The following ACADM variants were observed in gnomAD, a reference collection of about 807,000 sequenced individuals.
ACADM encodes the protein acyl-CoA dehydrogenase medium chain, also known as medium-chain specific acyl-CoA dehydrogenase, mitochondrial.
ACADM carries 49 observed loss-of-function variants against 58.9 expected under a neutral mutation model. The ratio of observed to expected loss-of-function variants is 0.83; its 90% CI spans 0.66 to 1.06. ACADM has a LOEUF of 1.06. Among genes scored for constraint, ACADM ranks in the 50% least tolerant of loss-of-function variants. ACADM has a pLI of 0.00. For synonymous variants in ACADM, 160 were observed against 157.7 expected, an observed-to-expected ratio of 1.01 and a Z score of -0.11; for missense variants, 496 against 507.0, an observed-to-expected ratio of 0.98 and a Z score of 0.21.
At chr1:75,737,303 T>C (rs1647317139) in intron 6 of ACADM, among the ~76,000 whole-genome samples, 3 of 101,168 alleles carry the variant, frequency 3.0e-5, no homozygotes, top group Admixed American at 1.0e-4. Context: ...TATATATATA[T>C]ATATATATAT....
intron 5 of ACADM, 24 bp from the exon 6 acceptor site, chr1:75,734,767 T>C: frequency 6.4e-7 from 1 of 1,571,102 alleles, no homozygotes; most frequent in Non-Finnish European, 8.8e-7. Flanking sequence ...GACTTGATTT[T>C]TTAATGTCAA....
intron 10 of ACADM, among the ~76,000 whole-genome samples, chr1:75,753,630 C>G (rs981952175): frequency 6.6e-6 from 1 of 151,692 alleles, no homozygotes; most frequent in Non-Finnish European, 1.5e-5. Context: ...ATAGAATCTT[C>G]TCCTTTTATG....
At chr1:75,733,446 G>C in intron 4 of ACADM, 82 bp from the exon 5 acceptor site, 1 of 1,370,594 alleles carries the variant, frequency 7.3e-7, no homozygotes, top group Non-Finnish European at 1.0e-6. Flanking sequence ...TGGTCATATT[G>C]AAAGCAATTA....
intron 10 of ACADM, 138 bp downstream of exon 10, chr1:75,750,684 T>C (rs1648151133): frequency 2.8e-6 from 2 of 720,948 alleles, no homozygotes; most frequent in Non-Finnish European, 2.5e-6. Context: ...TCAAGATGAG[T>C]TTCAAAGACA....
chr1:75,749,404 C>A lies in ACADM; in HGVS notation c.709-15C>A. On this transcript the variant is annotated splice_polypyrimidine_tract_variant and intron_variant, in intron 8 of 11. Coordinates refer to ENST00000370841, the MANE Select transcript of ACADM (RefSeq NM_000016.6). ...TCAAAAAAAATTCCTTAAAATATAT[C>A]AATTTTCTTATTAGGAATTAAACAT... The A allele has an allele frequency of 6.2e-7, 1 of 1,612,792 alleles. No homozygotes were observed. The highest frequency in any genetic ancestry group is 2.2e-5 in the East Asian group (1 of 44,826).
In ACADM at chr1:75,755,231, C is replaced by A. The variant is rs143329510; in HGVS notation, c.945+4685C>A. The A allele has an allele frequency of 6.5e-3, 990 of 152,470 alleles. 16 individuals are homozygous for A. Among genetic ancestry groups the A allele is most frequent in the Admixed American group, 0.035 (532 of 15,302 alleles). 9.4% of individuals were successfully genotyped at this position (152,470 alleles called of 1,614,324 possible). On this transcript the variant is annotated intron_variant, in intron 10 of 11. Coordinates refer to ENST00000370841, the MANE Select transcript of ACADM (RefSeq NM_000016.6). ...AGCAGAAACTTCTGCAGACTTAAAC[C>A]TCCCTGTCTGAAAGCTTTGAAGAGA...
At chr1:75,724,885 TG>T in intron 1 of ACADM, 68 bp downstream of exon 1, 1 of 1,337,702 alleles carries the variant, frequency 7.5e-7, no homozygotes, top group South Asian at 2.2e-5. Flanking sequence ...CAGGGGGCCC[TG>T]GGCCAAAAAT....
chr1:75,724,898 G>C (rs949064040), intron 1 of ACADM, 81 bp downstream of exon 1: 31 of 1,318,544 alleles, frequency 2.4e-5, no homozygotes, highest in Non-Finnish European at 3.0e-5. Flanking sequence ...GCCAAAAATA[G>C]GTGCGGCCGG....
intron 10 of ACADM, among the ~76,000 whole-genome samples, chr1:75,759,358 C>T (rs560914655): frequency 2.6e-5 from 4 of 152,212 alleles, no homozygotes; most frequent in South Asian, 2.1e-4. Context: ...ATCCTGCCAT[C>T]GTCTTTCCAG....
At chr1:75,761,773 A>T (rs1235927097) in intron 11 of ACADM, among the ~76,000 whole-genome samples, 1 of 152,230 alleles carries the variant, frequency 6.6e-6, no homozygotes. Context: ...ACATCAGGAG[A>T]CAGTGATGTA....
In ACADM at chr1:75,761,198, C is replaced by A; in HGVS notation, c.1022C>A (p.Ala341Asp). The A allele has an allele frequency of 6.2e-7, 1 of 1,614,096 alleles. No individual in the cohort carries two copies. Residue 341 changes from alanine (A) to aspartate (D), a missense_variant, in exon 11 of 12, where the codon GCT becomes GAT. Coordinates refer to ENST00000370841, the MANE Select transcript of ACADM (RefSeq NM_000016.6). Reference protein sequence around the residue: ...ELARMSYQRAAWEVDSGRRNT... With the variant: ...ELARMSYQRADWEVDSGRRNT... ...GCTAGAATGAGTTACCAGAGAGCAG[C>A]TTGGGAGGTTGATTCTGGTCGTCGA...
intron 11 of ACADM, 100 bp downstream of exon 11, chr1:75,761,470 C>T: frequency 7.7e-7 from 1 of 1,299,326 alleles, no homozygotes; most frequent in Non-Finnish European, 1.1e-6. Flanking sequence ...TCCCTAGTAG[C>T]AATAAATGAC....
chr1:75,744,651 G>T lies in ACADM; in HGVS notation c.600-1155G>T, dbSNP rs920840991. The T allele has an allele frequency of 5.6e-5, 52 of 922,508 alleles. No homozygotes were observed. In the Admixed American group the frequency reaches 8.5e-4, roughly 15 times the overall value. The allele number at this position is 922,508 out of a possible 1,614,324, so 57.1% of individuals were successfully genotyped here. A position where few individuals can be genotyped will look rare whatever the true frequency, so the allele number is the denominator to read the frequency against. Reference sequence around the variant, plus strand: ...TAATGACAACCTTCCTGCTGTTAGGGTAACCTGGTCCCTGGCATAAGGAGA... The same window carrying T: ...TAATGACAACCTTCCTGCTGTTAGGTTAACCTGGTCCCTGGCATAAGGAGA... On this transcript the variant is annotated intron_variant, in intron 7 of 11. Transcript: ENST00000370841.
At chr1:75,755,332 G>A (rs1263823610) in intron 10 of ACADM, among the ~76,000 whole-genome samples, 2 of 152,208 alleles carry the variant, frequency 1.3e-5, no homozygotes, top group Admixed American at 1.3e-4. Context: ...CCTGACCCCT[G>A]AGTAGCCTAA....
Position 75,733,550 on chromosome 1 carries a change from T to G in ACADM, c.309T>G (p.Phe103Leu). The change falls in exon 5 of 12, where the codon TTT becomes TTG. Residue 103 changes from phenylalanine to leucine, a missense_variant. Phe to Leu is a conservative substitution (Grantham distance 22). Coordinates refer to ENST00000370841, the MANE Select transcript of ACADM (RefSeq NM_000016.6). The stretch of plus-strand genomic sequence containing the variant: ...TAGGAGGTCTTGGACTTGGAACTTT[T>G]GATGCTTGTTTAATTAGTGAAGAAT... ...ENCGGLGLGT[F>L]DACLISEELA... The G allele has an allele frequency of 1.2e-6, 2 of 1,614,126 alleles. No individual in the cohort carries two copies. The highest frequency in any genetic ancestry group is 1.1e-5 in the South Asian group (1 of 91,084).
At chr1:75,734,187 G>A (rs1301515113) in intron 5 of ACADM, among the ~76,000 whole-genome samples, 49 of 134,916 alleles carry the variant, frequency 3.6e-4, no homozygotes, top group Admixed American at 1.1e-3. Flanking sequence ...TTTTTGAGAC[G>A]GAGTCTCACT....
chr1:75,740,340 G>C (rs183976245), intron 7 of ACADM, among the ~76,000 whole-genome samples: 1 of 152,206 alleles, frequency 6.6e-6, no homozygotes, highest in Non-Finnish European at 1.5e-5. Flanking sequence ...AAATACAAAT[G>C]CGTGCTCTGT....
At chr1:75,732,143 CTG>C (rs1311475012) in intron 2 of ACADM, among the ~76,000 whole-genome samples, 1 of 141,010 alleles carries the variant, frequency 7.1e-6, no homozygotes, top group Non-Finnish European at 1.6e-5. Context: ...CAAAATGAGA[CTG>C]TCTCAAAAAA....
intron 7 of ACADM, chr1:75,743,627 G>T (rs755813051): frequency 1.3e-6 from 2 of 1,545,598 alleles, no homozygotes; most frequent in Non-Finnish European, 1.8e-6. Flanking sequence ...GTTGATAATG[G>T]GTGTTCAAAG....
Sources: gnomAD v4.1 joint callset for allele counts (sites outside exome capture counted in the v4.1 genomes callset) on GRCh38, gnomAD v4.1.1 for gene constraint, MANE v1.5 for transcripts, NCBI Gene and HGNC (gene_info 2026-07-23, HGNC 2026-07-21) for gene names.